Variants in FER observed in about 807,000 individuals in gnomAD.
FER encodes tyrosine-protein kinase Fer.
Under a neutral mutation model 111.0 loss-of-function variants are expected in FER, and 63 were observed. The ratio of observed to expected loss-of-function variants is 0.57; its 90% CI spans 0.46 to 0.70. The LOEUF is 0.70. Ranked by LOEUF, FER falls within the 30% of genes least tolerant of loss-of-function variation. FER has a pLI of 0.00. For missense variants in FER, 914 were observed against 954.0 expected (o/e 0.96, Z 0.55); for synonymous variants, 327 against 313.9 (o/e 1.04, Z -0.44).
chr5:108,809,979 A>G (rs1295048135), intron 3 of FER, among the ~76,000 whole-genome samples: 1 of 152,172 alleles, frequency 6.6e-6, no homozygotes, highest in East Asian at 1.9e-4. Flanking sequence ...TCATAGTGCC[A>G]GAATTCTTGT....
At chr5:109,027,475 T>C (rs979063395) in intron 13 of FER, among the ~76,000 whole-genome samples, 2 of 152,212 alleles carry the variant, frequency 1.3e-5, no homozygotes, top group African/African-American at 4.8e-5. Context: ...TATTTTCTTT[T>C]GGTGGGCATT....
At chr5:109,100,545 T>A in intron 17 of FER, 26 bp downstream of exon 17, 1 of 1,586,306 alleles carries the variant, frequency 6.3e-7, no homozygotes, top group South Asian at 1.1e-5. Context: ...TTAAAGCAAT[T>A]TTTGGTTTTA....
intron 8 of FER, 108 bp from the exon 9 acceptor site, chr5:108,883,288 G>C: frequency 9.7e-7 from 1 of 1,026,596 alleles, no homozygotes; most frequent in South Asian, 2.6e-5. Flanking sequence ...CAGATTATAT[G>C]TGGCTACTGT....
chr5:108,953,824 A>T (rs1758071099), intron 11 of FER, among the ~76,000 whole-genome samples: 1 of 152,058 alleles, frequency 6.6e-6, no homozygotes, highest in Non-Finnish European at 1.5e-5. Flanking sequence ...GTTAGTTCAG[A>T]TTACTGTACC....
intron 3 of FER, among the ~76,000 whole-genome samples, chr5:108,810,751 G>T (rs566784662): frequency 4.6e-5 from 7 of 151,898 alleles, no homozygotes; most frequent in Middle Eastern, 6.9e-3. Flanking sequence ...CTGCAATACG[G>T]TGTCTTCATA....
chr5:108,856,947 T>C (rs375577661), intron 5 of FER, among the ~76,000 whole-genome samples: 8 of 152,172 alleles, frequency 5.3e-5, no homozygotes, highest in African/African-American at 1.9e-4. Flanking sequence ...GTTCTTTAGA[T>C]ACAATGAATA....
At chr5:108,886,859 C>A (rs1747250028) in intron 9 of FER, among the ~76,000 whole-genome samples, 1 of 151,610 alleles carries the variant, frequency 6.6e-6, no homozygotes, top group Non-Finnish European at 1.5e-5. Context: ...TCATTAAATG[C>A]AGACATTGGT....
chr5:108,938,240 T>C (rs749105393), intron 10 of FER, among the ~76,000 whole-genome samples: 11 of 151,614 alleles, frequency 7.3e-5, no homozygotes, highest in Non-Finnish European at 1.3e-4. Flanking sequence ...ATCTGCCTCA[T>C]GTTTCAAAAA....
chr5:108,835,662 A>G (rs1235519372), intron 4 of FER, 46 bp from the exon 5 acceptor site: 1 of 1,265,682 alleles, frequency 7.9e-7, no homozygotes, highest in Non-Finnish European at 1.1e-6. Context: ...TGAGCAATTT[A>G]AATTTAAACA....
At chr5:108,798,077 A>G (rs1756243235) in intron 2 of FER, 47 bp from the exon 3 acceptor site, 1 of 708,480 alleles carries the variant, frequency 1.4e-6, no homozygotes, top group Non-Finnish European at 2.2e-6. Flanking sequence ...TTTGAAGACT[A>G]ATTTCCTTTT....
intron 8 of FER, among the ~76,000 whole-genome samples, chr5:108,875,509 C>G (rs1182671711): frequency 1.3e-5 from 2 of 152,006 alleles, no homozygotes; most frequent in African/African-American, 4.8e-5. Context: ...TTCATCTCAT[C>G]TAGTTACTAT....
At chr5:108,963,456 G>T (rs919084649) in intron 13 of FER, among the ~76,000 whole-genome samples, 2 of 152,128 alleles carry the variant, frequency 1.3e-5, no homozygotes, top group Non-Finnish European at 2.9e-5. Flanking sequence ...CAGCTACTTG[G>T]GGGGCTGAGG....
chr5:108,780,141 A>G (rs986466488), intron 2 of FER, among the ~76,000 whole-genome samples: 1 of 152,176 alleles, frequency 6.6e-6, no homozygotes, highest in African/African-American at 2.4e-5. Context: ...AATTGAGAGT[A>G]AGAAAAACAA....
chr5:109,030,174 A>T (rs77050335), intron 13 of FER, among the ~76,000 whole-genome samples: 1 of 151,968 alleles, frequency 6.6e-6, no homozygotes, highest in Non-Finnish European at 1.5e-5. Context: ...TTCTTTTTTT[A>T]ATAACTTCTG....
chr5:108,917,048 A>G (rs544865917), intron 10 of FER, among the ~76,000 whole-genome samples: 1 of 152,248 alleles, frequency 6.6e-6, no homozygotes, highest in East Asian at 1.9e-4. Context: ...TTAAACATGT[A>G]TTTAATCAGA....
At chr5:108,887,252 T>C (rs1011975867) in intron 9 of FER, among the ~76,000 whole-genome samples, 1 of 151,836 alleles carries the variant, frequency 6.6e-6, no homozygotes, top group Admixed American at 6.6e-5. Flanking sequence ...ACAGTATTTG[T>C]TGTATCAAAA....
chr5:109,101,231 A>C (rs925344940), intron 17 of FER, among the ~76,000 whole-genome samples: 1 of 151,976 alleles, frequency 6.6e-6, no homozygotes, highest in African/African-American at 2.4e-5. Context: ...GCTAAGTATA[A>C]ATAAGCACAA....
At chr5:108,888,976 C>A (rs1171505538) in intron 9 of FER, among the ~76,000 whole-genome samples, 1 of 151,834 alleles carries the variant, frequency 6.6e-6, no homozygotes, top group Non-Finnish European at 1.5e-5. Context: ...AAGATAGTGT[C>A]TCTGAGTATC....
intron 13 of FER, among the ~76,000 whole-genome samples, chr5:108,989,055 G>C (rs55856629): frequency 0.061 from 9,323 of 152,038 alleles, 448 homozygotes; most frequent in Non-Finnish European, 0.087. Context: ...TCACGAGCAG[G>C]TTATTTAATT....
Sources: gnomAD v4.1 joint callset for allele counts (sites outside exome capture counted in the v4.1 genomes callset) on GRCh38, gnomAD v4.1.1 for gene constraint, MANE v1.5 for transcripts, NCBI Gene and HGNC (gene_info 2026-07-23, HGNC 2026-07-21) for gene names.